MAP3K5: variants seen among roughly 807,000 people sequenced by gnomAD.
MAP3K5 encodes the protein mitogen-activated protein kinase kinase kinase 5, also known as ASK-1.
In MAP3K5, 56 loss-of-function variants were observed where a neutral mutation model predicts 158.7. The ratio of observed to expected loss-of-function variants is 0.35; its 90% CI spans 0.28 to 0.44. The LOEUF (loss-of-function observed/expected upper bound fraction) is 0.44, where lower values mean the gene tolerates loss of function less well. Ranked by LOEUF, MAP3K5 falls within the 20% of genes least tolerant of loss-of-function variation. MAP3K5 has a pLI of 1.00. For synonymous variants in MAP3K5, 579 were observed against 601.7 expected (o/e 0.96, Z 0.55); for missense variants, 1,294 against 1,674.8 (o/e 0.77, Z 3.97).
intron 6 of MAP3K5, 101 bp from the exon 7 acceptor site, chr6:136,694,411 A>G: frequency 1.0e-6 from 1 of 953,014 alleles, no homozygotes; most frequent in South Asian, 1.8e-5. Flanking sequence ...ATATTAGAGA[A>G]ATTTGCCAGG....
chr6:136,639,595 G>A lies in MAP3K5; in HGVS notation c.1882C>T (p.His628Tyr). 1.9e-6 allele frequency: 3 copies of A among 1,600,014 alleles called. No homozygotes were observed. Among genetic ancestry groups the A allele is most frequent in the South Asian group, 2.3e-5 (2 of 87,660 alleles). The change falls in exon 13 of 30, where the codon CAC becomes TAC. Residue 628 changes from histidine (H) to tyrosine (Y), a missense_variant. By Grantham distance (83) the His-to-Tyr change is moderately conservative. Around this residue, in one of 5 missense-constraint regions of MAP3K5, gnomAD observed 690 missense variants for 870.5 expected, o/e 0.79. Transcript: ENST00000359015. ...TAGATTTGGAAATCATCAGAATTGT[G>A]AAGCACATAAAGAAAGCAGCATCTT... ...EERCCFLYVL[H>Y]NSDDFQIYFC...
At position 136,721,712 on chromosome 6, in the gene MAP3K5, A is replaced by G. The variant is rs116405969; in HGVS notation, c.449-1123T>C. Among the ~76,000 whole-genome samples, 1,403 of 152,248 alleles carry G rather than the reference A, an allele frequency of 9.2e-3. 24 individuals are homozygous for G. Among genetic ancestry groups the G allele is most frequent in the African/African-American group, 0.032 (1,320 of 41,538 alleles). ...GTACATTAATTAAAATTCTCAATCCATTTCTCATTAAAAATAATTGCTGAG... is the reference window on the plus strand; with the variant it reads ...GTACATTAATTAAAATTCTCAATCCGTTTCTCATTAAAAATAATTGCTGAG... On this transcript the variant is annotated intron_variant, in intron 1 of 29. Coordinates refer to ENST00000359015, the MANE Select transcript of MAP3K5 (RefSeq NM_005923.4).
At chr6:136,559,514 T>C (rs1369596670) in intron 28 of MAP3K5, among the ~76,000 whole-genome samples, 3 of 152,324 alleles carry the variant, frequency 2.0e-5, no homozygotes. Flanking sequence ...AAGCAAATCT[T>C]GTATTTAGAA....
chr6:136,651,578 A>G (rs558544993), intron 10 of MAP3K5, among the ~76,000 whole-genome samples: 107 of 152,290 alleles, frequency 7.0e-4, no homozygotes, highest in African/African-American at 2.5e-3. Context: ...TAAACTTAGA[A>G]ATGGTTTTGG....
chr6:136,784,413 GC>G (rs1009906171), intron 1 of MAP3K5, among the ~76,000 whole-genome samples: 24 of 152,284 alleles, frequency 1.6e-4, no homozygotes, highest in African/African-American at 5.5e-4. Flanking sequence ...ATCCAAGAAA[GC>G]AAGAAGCAGC....
At chr6:136,724,479 C>T (rs770754940) in intron 1 of MAP3K5, among the ~76,000 whole-genome samples, 2 of 151,980 alleles carry the variant, frequency 1.3e-5, no homozygotes, top group Non-Finnish European at 2.9e-5. Flanking sequence ...AACTCCTGGC[C>T]TCAGGTAATC....
intron 25 of MAP3K5, among the ~76,000 whole-genome samples, chr6:136,576,946 A>G (rs1413214094): frequency 6.6e-6 from 1 of 151,986 alleles, no homozygotes; most frequent in African/African-American, 2.4e-5. Context: ...GCAACAGGCC[A>G]TACCATAAGG....
intron 18 of MAP3K5, among the ~76,000 whole-genome samples, chr6:136,607,996 A>C (rs1302050722): frequency 6.6e-6 from 1 of 152,202 alleles, no homozygotes; most frequent in Non-Finnish European, 1.5e-5. Flanking sequence ...GGCTGGTCTC[A>C]CTGCAGAGGT....
chr6:136,656,664 G>A (rs780932428), intron 9 of MAP3K5, among the ~76,000 whole-genome samples: 5 of 150,046 alleles, frequency 3.3e-5, no homozygotes, highest in East Asian at 2.0e-4. Flanking sequence ...TCGCTCTGTC[G>A]CCCAGGCTGG....
At chr6:136,639,507 G>T in intron 13 of MAP3K5, 36 bp downstream of exon 13, 1 of 1,191,728 alleles carries the variant, frequency 8.4e-7, no homozygotes, top group Non-Finnish European at 1.2e-6. Context: ...GATCAGGTAA[G>T]AAGAATCTTT....
At chr6:136,727,446 C>A (rs547138320) in intron 1 of MAP3K5, among the ~76,000 whole-genome samples, 1 of 152,150 alleles carries the variant, frequency 6.6e-6, no homozygotes, top group Non-Finnish European at 1.5e-5. Flanking sequence ...CCAAGCAATC[C>A]AGCTCTAGAG....
chr6:136,773,388 C>T (rs1426313756), intron 1 of MAP3K5, among the ~76,000 whole-genome samples: 1 of 152,188 alleles, frequency 6.6e-6, no homozygotes, highest in African/African-American at 2.4e-5. Context: ...CCGTACCTGA[C>T]ATCTACCACC....
At chr6:136,624,462 A>G (rs1776945754) in intron 14 of MAP3K5, among the ~76,000 whole-genome samples, 1 of 152,232 alleles carries the variant, frequency 6.6e-6, no homozygotes, top group African/African-American at 2.4e-5. Context: ...CAAGTTTGAT[A>G]TAACATCTAC....
chr6:136,751,730 C>T (rs1054674430), intron 1 of MAP3K5, among the ~76,000 whole-genome samples: 4 of 152,216 alleles, frequency 2.6e-5, no homozygotes, highest in Non-Finnish European at 5.9e-5. Context: ...CTAATGCAGG[C>T]TGCTAAAGGG....
chr6:136,569,902 TAGC>T (rs1483584747), intron 25 of MAP3K5, among the ~76,000 whole-genome samples: 1 of 152,216 alleles, frequency 6.6e-6, no homozygotes, highest in African/African-American at 2.4e-5. Flanking sequence ...GAAATCAAGG[TAGC>T]AGAAATATTG....
intron 1 of MAP3K5, among the ~76,000 whole-genome samples, chr6:136,729,793 T>C (rs1449145480): frequency 1.3e-5 from 2 of 152,154 alleles, no homozygotes; most frequent in African/African-American, 2.4e-5. Flanking sequence ...GGCTGGGAGA[T>C]TGTGTGGGAG....
intron 2 of MAP3K5, among the ~76,000 whole-genome samples, chr6:136,710,200 G>A (rs1375609611): frequency 6.6e-6 from 1 of 152,170 alleles, no homozygotes; most frequent in Non-Finnish European, 1.5e-5. Flanking sequence ...CCACTAAAGA[G>A]GGGTGGGAAG....
chr6:136,683,868 A>G (rs1363127673), intron 7 of MAP3K5, among the ~76,000 whole-genome samples: 1 of 152,118 alleles, frequency 6.6e-6, no homozygotes, highest in East Asian at 1.9e-4. Flanking sequence ...TAAGATCTGA[A>G]ATTTTATTAA....
rs145746472 is a variant in MAP3K5, at chr6:136,730,801, G to C, written c.449-10212C>G. On this transcript the variant is annotated intron_variant, in intron 1 of 29. Transcript: ENST00000359015. ...GAATGTAGATGAGGTTGTCAACTTA[G>C]AGTACAGAAAGAAATGAGGCTTCCT... is the stretch of plus-strand genomic sequence containing the variant. 2.1e-3 allele frequency among the ~76,000 whole-genome samples: 314 copies of C among 151,158 alleles called. 1 individual carries two copies. The highest frequency in any genetic ancestry group is 7.2e-3 in the African/African-American group (297 of 41,144).
Sources: gnomAD v4.1 joint callset for allele counts (sites outside exome capture counted in the v4.1 genomes callset) on GRCh38, gnomAD v4.1.1 for gene constraint, gnomAD v4.1.1 regional missense constraint, MANE v1.5 for transcripts, NCBI Gene and HGNC (gene_info 2026-07-23, HGNC 2026-07-21) for gene names.